The following BMS1 variants were observed in gnomAD, a reference collection of about 807,000 sequenced individuals.
BMS1 encodes BMS1 ribosome biogenesis factor, also known as ribosome biogenesis protein BMS1 homolog.
A neutral mutation model predicts 138.7 loss-of-function variants in BMS1; 53 were observed. The observed-to-expected ratio is 0.38, with a 90% CI of 0.31 to 0.48. BMS1 has a LOEUF of 0.48. Among genes scored for constraint, BMS1 ranks in the 20% least tolerant of loss-of-function variants. The pLI is 0.97. For missense variants in BMS1, 1,360 were observed against 1,565.5 expected (o/e 0.87, Z 2.22); for synonymous variants, 504 against 539.9 (o/e 0.93, Z 0.92).
intron 12 of BMS1, among the ~76,000 whole-genome samples, chr10:42,799,848 T>G (rs1336532544): frequency 6.6e-6 from 1 of 152,244 alleles, no homozygotes; most frequent in Non-Finnish European, 1.5e-5. Context: ...TGGTCTTCAT[T>G]ACTGTTTTTC....
chr10:42,813,786 T>A (rs1309072776), intron 13 of BMS1, among the ~76,000 whole-genome samples: 1 of 152,222 alleles, frequency 6.6e-6, no homozygotes, highest in Non-Finnish European at 1.5e-5. Flanking sequence ...TGTAGCCACT[T>A]TTTAGCATTT....
chr10:42,790,512 G>C lies in BMS1; in HGVS notation c.636+1G>C. 6.2e-7 allele frequency: 1 copy of C among 1,613,350 alleles called. No homozygotes were observed. Reference sequence around the variant, plus strand: ...CAGGTTCTGGACGGAAGTTTACCCGGTACGAAGAGAAATAATTGTTGGATA... The same window carrying C: ...CAGGTTCTGGACGGAAGTTTACCCGCTACGAAGAGAAATAATTGTTGGATA... On this transcript the variant is annotated splice_donor_variant, in intron 5 of 22. Coordinates refer to ENST00000374518, the MANE Select transcript of BMS1 (RefSeq NM_014753.4). LOFTEE classifies it high-confidence loss of function.
chr10:42,831,883 A>G lies in BMS1; in HGVS notation c.*787A>G, dbSNP rs1201364386. On this transcript the variant is annotated 3_prime_UTR_variant, in exon 23 of 23. Coordinates refer to ENST00000374518, the MANE Select transcript of BMS1 (RefSeq NM_014753.4). ...TTAAACATTATGTTGAAGTAATCAT[A>G]CTATTACATAGGCGATGTATGTATT... 6.6e-6 allele frequency: 1 copy of G among 152,178 alleles called. No homozygotes were observed. Among genetic ancestry groups the G allele is most frequent in the African/African-American group, 2.4e-5 (1 of 41,444 alleles). 9.4% of individuals were successfully genotyped at this position (152,178 alleles called of 1,614,324 possible). A position where few individuals can be genotyped will look rare whatever the true frequency, so the allele number is the denominator to read the frequency against.
intron 21 of BMS1, among the ~76,000 whole-genome samples, chr10:42,826,929 C>T (rs970508487): frequency 1.5e-4 from 23 of 152,122 alleles, no homozygotes; most frequent in Non-Finnish European, 2.6e-4. Flanking sequence ...GGCAGCGTGG[C>T]CCCGCAGGGT....
intron 12 of BMS1, among the ~76,000 whole-genome samples, 197 bp downstream of exon 12, chr10:42,798,822 A>C (rs73254210): frequency 1.1e-4 from 16 of 152,342 alleles, no homozygotes; most frequent in African/African-American, 3.6e-4. Context: ...GACCATGTAC[A>C]TGGCCCACAG....
Position 42,790,647 on chromosome 10 carries a change from G to C in BMS1, c.636+136G>C, listed in dbSNP as rs112314893. The C allele has an allele frequency of 9.2e-4, 912 of 994,194 alleles. 6 individuals are homozygous for C. In the African/African-American group the frequency reaches 0.013, roughly 15 times the overall value. 61.6% of individuals were successfully genotyped at this position (994,194 alleles called of 1,614,324 possible). A position where few individuals can be genotyped will look rare whatever the true frequency, so the allele number is the denominator to read the frequency against. On this transcript the variant is annotated intron_variant, in intron 5 of 22. Transcript: ENST00000374518. ...GGCGGTCGGATCACTTGAGCCTAGA[G>C]TTTTGAGCTCAGGGCAACATGACCA... is the stretch of plus-strand genomic sequence containing the variant.
intron 13 of BMS1, among the ~76,000 whole-genome samples, chr10:42,809,853 A>G (rs1379688927): frequency 6.6e-6 from 1 of 151,850 alleles, no homozygotes; most frequent in Non-Finnish European, 1.5e-5. Flanking sequence ...TGGTGCGATC[A>G]TGGCTCACCA....
At chr10:42,809,339 G>A (rs936638033) in intron 13 of BMS1, among the ~76,000 whole-genome samples, 1 of 151,814 alleles carries the variant, frequency 6.6e-6, no homozygotes, top group South Asian at 2.1e-4. Context: ...GCCTGGGATT[G>A]TCTACACAGA....
intron 12 of BMS1, among the ~76,000 whole-genome samples, chr10:42,801,390 A>G (rs1841871990): frequency 6.6e-6 from 1 of 152,230 alleles, no homozygotes; most frequent in Non-Finnish European, 1.5e-5. Context: ...GAAAACAGTT[A>G]AAGATTTTTT....
chr10:42,829,328 G>C (rs946067705), intron 21 of BMS1, among the ~76,000 whole-genome samples: 2 of 151,622 alleles, frequency 1.3e-5, no homozygotes, highest in African/African-American at 4.9e-5. Context: ...AAAGAATTTG[G>C]GTCATCTCAA....
chr10:42,795,003 A>AC lies in BMS1; in HGVS notation c.1229+1012_1229+1013insC, dbSNP rs1423100165. Among the ~76,000 whole-genome samples the AC allele has an allele frequency of 3.3e-5, 5 of 151,466 alleles. No homozygotes were observed. In the East Asian group the frequency reaches 7.8e-4, roughly 24 times the overall value. On this transcript the variant is annotated intron_variant, in intron 9 of 22. Coordinates refer to ENST00000374518, the MANE Select transcript of BMS1 (RefSeq NM_014753.4). ...TGTTCAATTCCCACCTATGAGTGAG[A>AC]ATATGCGGTGTTTGGTTTTTTGTTC... is the stretch of plus-strand genomic sequence containing the variant.
intron 13 of BMS1, among the ~76,000 whole-genome samples, chr10:42,811,617 T>C (rs6593497): frequency 0.45 from 60,685 of 135,502 alleles, 14,164 homozygotes; most frequent in East Asian, 0.61. Context: ...CTCCGCCTCC[T>C]GGGTTCACGC....
intron 10 of BMS1, 51 bp from the exon 11 acceptor site, chr10:42,797,371 A>C (rs1469589042): frequency 6.2e-7 from 1 of 1,601,096 alleles, no homozygotes; most frequent in African/African-American, 1.3e-5. Flanking sequence ...ATCTCAAGGG[A>C]GGGGAGACAC....
At chr10:42,801,425 CTT>C (rs1564417783) in intron 12 of BMS1, among the ~76,000 whole-genome samples, 2 of 152,188 alleles carry the variant, frequency 1.3e-5, no homozygotes. Context: ...TCTCATTTCT[CTT>C]TTCAAAAGTG....
rs757699430 is a variant in BMS1 at position 42,823,078 on chromosome 10, G to T, written c.3133-40G>T. 8 of 1,467,484 alleles carry T rather than the reference G, an allele frequency of 5.5e-6. No individual in the cohort carries two copies. In the South Asian group the frequency reaches 1.2e-4, roughly 22 times the overall value. 90.9% of individuals were successfully genotyped at this position (1,467,484 alleles called of 1,614,324 possible). On this transcript the variant is annotated intron_variant, in intron 19 of 22. Transcript: ENST00000374518. Reference sequence around the variant, plus strand: ...GTAAGAAGTAAAGCATAAAGTATATGATTTTGTGTGTGTGTGTTTTTATCT... The same window carrying T: ...GTAAGAAGTAAAGCATAAAGTATATTATTTTGTGTGTGTGTGTTTTTATCT...
At chr10:42,828,605 C>T (rs1447003678) in intron 21 of BMS1, among the ~76,000 whole-genome samples, 4 of 151,858 alleles carry the variant, frequency 2.6e-5, no homozygotes, top group Non-Finnish European at 5.9e-5. Context: ...TGACAATTGG[C>T]CTCTTCAGTT....
chr10:42,823,891 A>G (rs1842571012), intron 21 of BMS1, 107 bp downstream of exon 21: 2 of 1,043,444 alleles, frequency 1.9e-6, no homozygotes, highest in Admixed American at 3.5e-5. Context: ...GTTCAAGTAT[A>G]AAGTCTAACG....
chr10:42,829,504 A>T (rs1842744326), intron 21 of BMS1, among the ~76,000 whole-genome samples: 1 of 152,158 alleles, frequency 6.6e-6, no homozygotes, highest in Admixed American at 6.5e-5. Flanking sequence ...TGCTGATTGA[A>T]GGAAGAACTG....
intron 13 of BMS1, among the ~76,000 whole-genome samples, chr10:42,814,524 A>C (rs1400677214): frequency 6.6e-6 from 1 of 152,162 alleles, no homozygotes; most frequent in Non-Finnish European, 1.5e-5. Flanking sequence ...TTGTTGAAGC[A>C]TATTTATGCT....
Sources: gnomAD v4.1 joint callset for allele counts (sites outside exome capture counted in the v4.1 genomes callset) on GRCh38, gnomAD v4.1.1 for gene constraint, MANE v1.5 for transcripts, NCBI Gene and HGNC (gene_info 2026-07-23, HGNC 2026-07-21) for gene names.